Variants in TNFRSF11B observed in about 807,000 individuals in gnomAD.
TNFRSF11B encodes TNF receptor superfamily member 11b.
Under a neutral mutation model 43.4 loss-of-function variants are expected in TNFRSF11B, and 16 were observed. That is an observed-to-expected ratio of 0.37 (90% confidence interval 0.25 to 0.56). The LOEUF is 0.56. Among genes scored for constraint, TNFRSF11B ranks in the 20% least tolerant of loss-of-function variants. TNFRSF11B has a pLI of 0.80. For synonymous variants in TNFRSF11B, 185 were observed against 181.8 expected (o/e 1.02, Z -0.14); for missense variants, 444 against 490.1 (o/e 0.91, Z 0.89).
At chr8:118,942,514 T>C (rs1284061661) in intron 1 of TNFRSF11B, among the ~76,000 whole-genome samples, 2 of 152,222 alleles carry the variant, frequency 1.3e-5, no homozygotes, top group African/African-American at 2.4e-5. Context: ...CCTGTAGATA[T>C]TGACTGCATG....
chr8:118,945,738 A>G (rs1430520512), intron 1 of TNFRSF11B, among the ~76,000 whole-genome samples: 1 of 152,170 alleles, frequency 6.6e-6, no homozygotes, highest in Non-Finnish European at 1.5e-5. Flanking sequence ...AAGTAGTATT[A>G]CATGGCAAGA....
intron 1 of TNFRSF11B, among the ~76,000 whole-genome samples, chr8:118,951,220 A>G (rs1812639078): frequency 6.6e-6 from 1 of 152,206 alleles, no homozygotes; most frequent in Non-Finnish European, 1.5e-5. Flanking sequence ...AATTTTAACA[A>G]TAAAATTTTA....
chr8:118,932,960 C>T lies in TNFRSF11B; in HGVS notation c.371G>A (p.Cys124Tyr). Residue 124 changes from cysteine to tyrosine, a missense_variant, in exon 2 of 5, where the codon TGC (cysteine) becomes TAC (tyrosine). Cys to Tyr is a radical substitution (Grantham distance 194, BLOSUM62 -2). Transcript: ENST00000297350. ...EIEFCLKHRS[C>Y]PPGFGVVQAG... Reference sequence around the variant, plus strand: ...TTGCACCACTCCAAATCCAGGAGGGCAGCTCCTATGTTTCAAGCAGAACTC... The same window carrying T: ...TTGCACCACTCCAAATCCAGGAGGGTAGCTCCTATGTTTCAAGCAGAACTC... The T allele has an allele frequency of 6.2e-7, 1 of 1,614,190 alleles. No individual in the cohort carries two copies. Among genetic ancestry groups the T allele is most frequent in the Non-Finnish European group, 8.5e-7 (1 of 1,180,040 alleles).
In TNFRSF11B at chr8:118,951,880, G is replaced by C; in HGVS notation, c.-59C>G. 1 of 1,477,710 alleles carries C rather than the reference G, an allele frequency of 6.8e-7. No homozygotes were observed. The highest frequency in any genetic ancestry group is 9.3e-7 in the Non-Finnish European group (1 of 1,078,060). The allele number at this position is 1,477,710 out of a possible 1,614,324, so 91.5% of individuals were successfully genotyped here. On this transcript the variant is annotated 5_prime_UTR_variant, in exon 1 of 5. Transcript: ENST00000297350. ...GGCGGCTGGGCGAGCGCTCCGGTGC[G>C]TCTCCGCAGCCCGTGCGCTCATCAC...
At chr8:118,949,317 C>T (rs528110976) in intron 1 of TNFRSF11B, among the ~76,000 whole-genome samples, 7 of 152,188 alleles carry the variant, frequency 4.6e-5, no homozygotes, top group East Asian at 3.9e-4. Context: ...TCCAGGATGA[C>T]GGTAGATGGC....
Position 118,951,813 on chromosome 8 carries a change from G to A in TNFRSF11B, c.9C>T (p.Asn3=). 6.3e-7 allele frequency: 1 copy of A among 1,590,950 alleles called. No individual in the cohort carries two copies. Among genetic ancestry groups the A allele is most frequent in the Non-Finnish European group, 8.6e-7 (1 of 1,168,708 alleles). ...TTACCACGAGCGCGCAGCACAGCAA[G>A]TTGTTCATTGTGGTCCCCGGAAACC... MN[N]LLCCALVFLD... The change falls in exon 1 of 5, where the codon AAC becomes AAT. Residue 3 remains asparagine (N), a synonymous_variant. Coordinates refer to ENST00000297350, the MANE Select transcript of TNFRSF11B (RefSeq NM_002546.4).
intron 1 of TNFRSF11B, among the ~76,000 whole-genome samples, chr8:118,935,076 A>C (rs1489208445): frequency 6.6e-6 from 1 of 152,186 alleles, no homozygotes; most frequent in Non-Finnish European, 1.5e-5. Context: ...GCTGTAATGC[A>C]AGGAACTCCC....
chr8:118,924,931 G>A (rs927773377), intron 4 of TNFRSF11B, among the ~76,000 whole-genome samples, 169 bp from the exon 5 acceptor site: 1 of 152,128 alleles, frequency 6.6e-6, no homozygotes, highest in Admixed American at 6.5e-5. Flanking sequence ...TCTAAGAACT[G>A]AGATAAATAT....
chr8:118,936,535 A>G (rs770966974), intron 1 of TNFRSF11B, among the ~76,000 whole-genome samples: 5 of 152,194 alleles, frequency 3.3e-5, no homozygotes, highest in Non-Finnish European at 7.3e-5. Flanking sequence ...TCTTCTGCTT[A>G]TTTCCTGGAA....
intron 3 of TNFRSF11B, among the ~76,000 whole-genome samples, chr8:118,928,014 G>A (rs1297740175): frequency 8.6e-6 from 1 of 116,918 alleles, no homozygotes; most frequent in Non-Finnish European, 2.0e-5. Context: ...CATTTCTAAT[G>A]TGTGTGTGTG....
chr8:118,944,269 A>G (rs1812528649), intron 1 of TNFRSF11B, among the ~76,000 whole-genome samples: 1 of 152,124 alleles, frequency 6.6e-6, no homozygotes. Flanking sequence ...TCTGTCCGGG[A>G]CCTAGGATGA....
At chr8:118,924,897 G>GCAA in intron 4 of TNFRSF11B, 135 bp from the exon 5 acceptor site, 1 of 1,095,306 alleles carries the variant, frequency 9.1e-7, no homozygotes, top group Non-Finnish European at 1.3e-6. Context: ...TCTTTTGAGA[G>GCAA]GGAGTTAAGT....
Position 118,932,962 on chromosome 8 carries a change from GCTC to G in TNFRSF11B, c.366_368del (p.Arg122del). ...GCACCACTCCAAATCCAGGAGGGCA[GCTC>G]CTATGTTTCAAGCAGAACTCTATCT... On this transcript the variant is annotated inframe_deletion, in exon 2 of 5. Transcript: ENST00000297350. 5.0e-6 allele frequency: 8 copies of G among 1,614,206 alleles called. No homozygotes were observed. The highest frequency in any genetic ancestry group is 5.9e-6 in the Non-Finnish European group (7 of 1,180,032).
intron 1 of TNFRSF11B, among the ~76,000 whole-genome samples, chr8:118,950,221 G>A (rs1812620716): frequency 6.6e-6 from 1 of 152,096 alleles, no homozygotes; most frequent in African/African-American, 2.4e-5. Context: ...AAAGGGCTAG[G>A]AAGAATAAAA....
chr8:118,928,446 T>C (rs1586954012), intron 3 of TNFRSF11B, among the ~76,000 whole-genome samples: 1 of 152,366 alleles, frequency 6.6e-6, no homozygotes, highest in East Asian at 1.9e-4. Flanking sequence ...CTCTCCTAAT[T>C]TCATCTCAGT....
At chr8:118,943,442 GA>G (rs1238383486) in intron 1 of TNFRSF11B, among the ~76,000 whole-genome samples, 1 of 152,058 alleles carries the variant, frequency 6.6e-6, no homozygotes, top group Non-Finnish European at 1.5e-5. Flanking sequence ...AATCCCTGTG[GA>G]AAACTCTGGG....
At chr8:118,949,030 A>G (rs1472171947) in intron 1 of TNFRSF11B, among the ~76,000 whole-genome samples, 1 of 152,140 alleles carries the variant, frequency 6.6e-6, no homozygotes, top group East Asian at 1.9e-4. Context: ...CTTGATGGGA[A>G]GTTTCAGCCA....
At chr8:118,933,932 C>G (rs929120420) in intron 1 of TNFRSF11B, among the ~76,000 whole-genome samples, 1 of 152,076 alleles carries the variant, frequency 6.6e-6, no homozygotes, top group South Asian at 2.1e-4. Flanking sequence ...AAATTCTGCC[C>G]TTATGGAGTT....
At chr8:118,947,833 T>C (rs950191729) in intron 1 of TNFRSF11B, among the ~76,000 whole-genome samples, 1 of 152,186 alleles carries the variant, frequency 6.6e-6, no homozygotes, top group Non-Finnish European at 1.5e-5. Flanking sequence ...GTCACCAATA[T>C]TACACGTGTT....
Sources: allele counts gnomAD v4.1 joint callset (sites outside exome capture counted in the v4.1 genomes callset), GRCh38; gene constraint gnomAD v4.1.1; transcripts MANE v1.5; gene names NCBI Gene and HGNC (gene_info 2026-07-23, HGNC 2026-07-21).